Variants in RBFOX2 observed in about 807,000 individuals in gnomAD.
RBFOX2 encodes the protein RNA binding fox-1 homolog 2, also known as RNA binding protein fox-1 homolog 2.
In RBFOX2, 10 loss-of-function variants were observed where a neutral mutation model predicts 49.1. The observed-to-expected ratio is 0.20, with a 90% CI of 0.13 to 0.35. The LOEUF (loss-of-function observed/expected upper bound fraction) is 0.35. Among genes scored for constraint, RBFOX2 ranks in the 10% least tolerant of loss-of-function variants. The pLI is 1.00. For synonymous variants in RBFOX2, 183 were observed against 187.4 expected, an observed-to-expected ratio of 0.98 and a Z score of 0.19; for missense variants, 323 against 486.9, an observed-to-expected ratio of 0.66 and a Z score of 3.17.
At chr22:35,999,684 A>C (rs1279973632) in intron 1 of RBFOX2, 1 of 152,196 alleles carries the variant, frequency 6.6e-6, no homozygotes, top group African/African-American at 2.4e-5. Context: ...GATCAAAGAA[A>C]TTGAAAACAT....
At position 35,890,035 on chromosome 22, in the gene RBFOX2, G is replaced by A. The variant is rs140735558; in HGVS notation, c.-34+48812C>T. The stretch of plus-strand genomic sequence containing the variant: ...AACTGTATCTTTTGACTCACAGTCT[G>A]TGACTTTCAAGTTTTATGATAAAGC... On this transcript the variant is annotated intron_variant, in intron 1 of 13. Coordinates refer to the RBFOX2 transcript ENST00000359369. Among the ~76,000 whole-genome samples the A allele has an allele frequency of 2.6e-5, 4 of 152,216 alleles. No individual in the cohort carries two copies. The East Asian group carries it at 7.7e-4, about 29-fold the overall frequency.
At chr22:35,943,724 C>T (rs1037190348), upstream of RBFOX2, among the ~76,000 whole-genome samples, 7 of 152,076 alleles carry the variant, frequency 4.6e-5, no homozygotes, top group African/African-American at 1.7e-4. Context: ...CAGTGAAATC[C>T]CATCTCTACT....
upstream of RBFOX2, chr22:35,939,334 GA>G (rs1292191903): frequency 4.6e-6 from 2 of 432,412 alleles, no homozygotes; most frequent in Admixed American, 5.0e-5. Flanking sequence ...ATGGAAAGGG[GA>G]CAAGTACCAA....
chr22:35,933,471 T>A (rs2052658279), intron 1 of RBFOX2, among the ~76,000 whole-genome samples: 1 of 152,212 alleles, frequency 6.6e-6, no homozygotes, highest in Non-Finnish European at 1.5e-5. Context: ...TTTGCAAGTA[T>A]CCCACTGCTG....
intron 1 of RBFOX2, among the ~76,000 whole-genome samples, chr22:35,931,414 T>G (rs1255199793): frequency 6.6e-6 from 1 of 151,876 alleles, no homozygotes; most frequent in Admixed American, 6.6e-5. Flanking sequence ...TAATTCAGTC[T>G]CCAGCTGGGG....
intron 1 of RBFOX2, among the ~76,000 whole-genome samples, chr22:35,857,778 A>G (rs961548073): frequency 1.3e-5 from 2 of 152,240 alleles, no homozygotes; most frequent in Non-Finnish European, 2.9e-5. Flanking sequence ...GATAGAAGGC[A>G]AAGGCTGAAA....
At chr22:35,780,059 G>T (rs563730394) in intron 3 of RBFOX2, among the ~76,000 whole-genome samples, 1 of 152,062 alleles carries the variant, frequency 6.6e-6, no homozygotes, top group African/African-American at 2.4e-5. Flanking sequence ...TTTCTTCTGC[G>T]TAACCCAAGT....
intron 1 of RBFOX2, among the ~76,000 whole-genome samples, chr22:35,935,839 C>T (rs1362858952): frequency 6.6e-6 from 1 of 152,082 alleles, no homozygotes; most frequent in East Asian, 1.9e-4. Flanking sequence ...GTCACTTTAC[C>T]TCTGTGTGCT....
At chr22:35,891,619 C>CTGGTTT (rs1341424709) in intron 1 of RBFOX2, among the ~76,000 whole-genome samples, 7 of 152,172 alleles carry the variant, frequency 4.6e-5, no homozygotes, top group African/African-American at 1.7e-4. Context: ...AAGAGAGGGC[C>CTGGTTT]TGGTGCCTGT....
rs1306920204 is a variant in RBFOX2, at chr22:35,858,729, G to T, written c.-33-48725C>A. Among the ~76,000 whole-genome samples, 6 of 150,088 alleles carry T rather than the reference G, an allele frequency of 4.0e-5. No homozygotes were observed. The Admixed American group carries it at 4.0e-4, about 10-fold the overall frequency. The stretch of plus-strand genomic sequence containing the variant: ...TAATCCTGGCTACTCAGGAGGCTGA[G>T]ACAGGAGAATCGCTTGAACCCGGGA... On this transcript the variant is annotated intron_variant, in intron 1 of 13. Coordinates refer to the RBFOX2 transcript ENST00000359369.
intron 2 of RBFOX2, among the ~76,000 whole-genome samples, chr22:35,788,864 G>A (rs1226747217): frequency 6.6e-6 from 1 of 152,132 alleles, no homozygotes; most frequent in Non-Finnish European, 1.5e-5. Flanking sequence ...AAGTTTTCTT[G>A]TGTTATCGGG....
chr22:35,808,926 T>C (rs1311320797), intron 2 of RBFOX2, among the ~76,000 whole-genome samples: 1 of 152,064 alleles, frequency 6.6e-6, no homozygotes, highest in Non-Finnish European at 1.5e-5. Flanking sequence ...TTTAGCAAGT[T>C]AGTAGTAAGA....
intron 1 of RBFOX2, among the ~76,000 whole-genome samples, chr22:35,924,386 T>C (rs780239665): frequency 1.3e-5 from 2 of 152,216 alleles, no homozygotes; most frequent in Non-Finnish European, 2.9e-5. Context: ...AATGTAGTAA[T>C]AGGAGATACA....
intron 1 of RBFOX2, among the ~76,000 whole-genome samples, chr22:35,913,258 G>A (rs944291892): frequency 6.6e-6 from 1 of 152,102 alleles, no homozygotes; most frequent in Non-Finnish European, 1.5e-5. Context: ...AAGGAAGATT[G>A]CTTGAGCCCA....
chr22:35,889,327 C>T (rs976600172), intron 1 of RBFOX2, among the ~76,000 whole-genome samples: 10 of 152,132 alleles, frequency 6.6e-5, no homozygotes, highest in Admixed American at 3.3e-4. Context: ...GTTTCCAGAC[C>T]TAGGTGGCCA....
intron 1 of RBFOX2, among the ~76,000 whole-genome samples, chr22:35,971,762 T>C (rs1371927076): frequency 6.6e-6 from 1 of 151,976 alleles, no homozygotes. Context: ...ATTAGGTGCA[T>C]ACAATTGCAG....
At position 36,028,492 on chromosome 22, in the gene RBFOX2, G is replaced by C. The variant is rs941873333; in HGVS notation, c.-67C>G. On this transcript the variant is annotated 5_prime_UTR_variant, in exon 1 of 14. Transcript: ENST00000438146. ...GACAGGCCACCTCCCCCTGGGCCTC[G>C]GCCCCGACTGTCGCGACAGGCGGGC... 6 of 1,095,120 alleles carry C rather than the reference G, an allele frequency of 5.5e-6. No individual in the cohort carries two copies. The African/African-American group carries it at 8.4e-5, about 15-fold the overall frequency. The allele number at this position is 1,095,120 out of a possible 1,614,324, so 67.8% of individuals were successfully genotyped here. A position where few individuals can be genotyped will look rare whatever the true frequency, so the allele number is the denominator to read the frequency against.
chr22:35,976,344 C>G (rs73161722), intron 1 of RBFOX2, among the ~76,000 whole-genome samples: 5,783 of 151,846 alleles, frequency 0.038, 148 homozygotes, highest in Middle Eastern at 0.078. Context: ...CCACCCCCCC[C>G]TCTTAATTCT....
chr22:35,933,083 A>G (rs947055750), intron 1 of RBFOX2, among the ~76,000 whole-genome samples: 4 of 152,228 alleles, frequency 2.6e-5, no homozygotes, highest in Non-Finnish European at 4.4e-5. Flanking sequence ...ACTTATATTC[A>G]GAGAGACACT....
Sources: allele counts gnomAD v4.1 joint callset (sites outside exome capture counted in the v4.1 genomes callset), GRCh38; gene constraint gnomAD v4.1.1; transcripts MANE v1.5; gene names NCBI Gene and HGNC (gene_info 2026-07-23, HGNC 2026-07-21).